The following GFRA1 variants were observed in gnomAD, a reference collection of about 807,000 sequenced individuals.
GFRA1 encodes GDNF family receptor alpha-1.
Under a neutral mutation model 51.6 loss-of-function variants are expected in GFRA1, and 16 were observed. The ratio of observed to expected loss-of-function variants is 0.31; its 90% CI spans 0.21 to 0.47. GFRA1 has a LOEUF of 0.47. GFRA1 is among the 20% of genes least tolerant of loss of function. The pLI, the probability that GFRA1 is intolerant of heterozygous loss-of-function variation, is 1.00. For synonymous variants in GFRA1, 270 were observed against 241.3 expected (o/e 1.12, Z -1.10); for missense variants, 530 against 594.3 (o/e 0.89, Z 1.13).
chr10:116,088,736 T>C (rs61864909), intron 9 of GFRA1, among the ~76,000 whole-genome samples: 57,946 of 151,444 alleles, frequency 0.38, 14,135 homozygotes, highest in Non-Finnish European at 0.56. Context: ...CTGGCTAACA[T>C]GGTGAAACCA....
Position 116,060,012 on chromosome 10 carries a change from A to G in GFRA1, c.*4386T>C, listed in dbSNP as rs1954726672. 1 of 152,224 alleles carries G rather than the reference A, an allele frequency of 6.6e-6. No homozygotes were observed. The highest frequency in any genetic ancestry group is 2.4e-5 in the African/African-American group (1 of 41,462). The allele number at this position is 152,224 out of a possible 1,614,324, so 9.4% of individuals were successfully genotyped here. The stretch of plus-strand genomic sequence containing the variant: ...AACAAGGTGGTGGAGGGAGGCCTGA[A>G]TAATAACGATGAAAGAGAGCTGAAT... On this transcript the variant is annotated 3_prime_UTR_variant, in exon 11 of 11. Transcript: ENST00000355422.
At chr10:116,156,352 A>C (rs1179881336) in intron 5 of GFRA1, among the ~76,000 whole-genome samples, 1 of 152,236 alleles carries the variant, frequency 6.6e-6, no homozygotes. Context: ...AGTTTTGTGA[A>C]GAATTTAAAC....
At chr10:116,114,718 TC>T (rs1176404104) in intron 6 of GFRA1, among the ~76,000 whole-genome samples, 4 of 152,156 alleles carry the variant, frequency 2.6e-5, no homozygotes, top group Admixed American at 2.6e-4. Context: ...ACTTCAAAGA[TC>T]TCTCTCTGTT....
chr10:116,274,293 T>C (rs1844140599), upstream of GFRA1, among the ~76,000 whole-genome samples: 1 of 152,064 alleles, frequency 6.6e-6, no homozygotes, highest in South Asian at 2.1e-4. Context: ...TTTGCTGATG[T>C]CCAAGTTCAT....
chr10:116,212,153 T>G (rs535954150), intron 4 of GFRA1, among the ~76,000 whole-genome samples: 2 of 152,172 alleles, frequency 1.3e-5, no homozygotes, highest in Admixed American at 1.3e-4. Flanking sequence ...GTTAAAAAAA[T>G]GAATGTATTT....
chr10:116,220,364 ACACATGT>A (rs1455687566), intron 4 of GFRA1, among the ~76,000 whole-genome samples: 2 of 152,238 alleles, frequency 1.3e-5, no homozygotes, highest in African/African-American at 4.8e-5. Flanking sequence ...ACATTTTATC[ACACATGT>A]ATTCCTCAGC....
chr10:116,159,586 G>T (rs572653628), intron 5 of GFRA1, among the ~76,000 whole-genome samples: 2 of 152,192 alleles, frequency 1.3e-5, no homozygotes, highest in African/African-American at 4.8e-5. Flanking sequence ...AAGGTTCAGT[G>T]TTTCCTGGGC....
chr10:116,241,105 G>A (rs1967327556), intron 4 of GFRA1, among the ~76,000 whole-genome samples: 1 of 151,306 alleles, frequency 6.6e-6, no homozygotes, highest in South Asian at 2.1e-4. Flanking sequence ...TTTTCACATA[G>A]TGGATAATTT....
At chr10:116,139,761 G>A (rs537484297) in intron 5 of GFRA1, among the ~76,000 whole-genome samples, 28 of 152,332 alleles carry the variant, frequency 1.8e-4, no homozygotes, top group African/African-American at 6.7e-4. Context: ...CCCTTCAGTG[G>A]GGAAGCGATA....
intron 5 of GFRA1, among the ~76,000 whole-genome samples, chr10:116,201,291 C>T (rs183853976): frequency 6.6e-5 from 10 of 152,210 alleles, no homozygotes; most frequent in Admixed American, 2.0e-4. Flanking sequence ...ATAGCCAATA[C>T]TATTCACTTG....
chr10:116,114,058 A>G (rs1003035115), intron 6 of GFRA1, among the ~76,000 whole-genome samples: 2 of 152,154 alleles, frequency 1.3e-5, no homozygotes, highest in African/African-American at 4.8e-5. Flanking sequence ...GGGGTGATTC[A>G]CAACATGGAA....
chr10:116,101,752 A>G (rs1458052465), intron 6 of GFRA1, among the ~76,000 whole-genome samples: 1 of 152,118 alleles, frequency 6.6e-6, no homozygotes, highest in Admixed American at 6.5e-5. Flanking sequence ...CAAATCCCAT[A>G]CTTGGACATA....
At chr10:116,174,145 CAAA>C (rs35365212) in intron 5 of GFRA1, among the ~76,000 whole-genome samples, 15 of 150,072 alleles carry the variant, frequency 1.0e-4, no homozygotes, top group East Asian at 5.9e-4. Context: ...TAGGCCTTCT[CAAA>C]AAAAAAAAAA....
At chr10:116,124,570 C>A (rs1281324649) in intron 6 of GFRA1, among the ~76,000 whole-genome samples, 1 of 152,162 alleles carries the variant, frequency 6.6e-6, no homozygotes, top group Non-Finnish European at 1.5e-5. Context: ...TATTCATGGA[C>A]TCCTTCAGAT....
intron 5 of GFRA1, among the ~76,000 whole-genome samples, chr10:116,135,466 C>G (rs1490852569): frequency 6.6e-6 from 1 of 152,082 alleles, no homozygotes; most frequent in Admixed American, 6.5e-5. Context: ...TTTGTCTTAC[C>G]ACACACTCAG....
intron 9 of GFRA1, among the ~76,000 whole-genome samples, chr10:116,065,943 C>CA (rs1955089606): frequency 6.6e-6 from 1 of 152,162 alleles, no homozygotes; most frequent in Non-Finnish European, 1.5e-5. Flanking sequence ...CATCTCAATT[C>CA]AGACTTACCC....
chr10:116,192,013 G>C (rs1002651211), intron 5 of GFRA1, among the ~76,000 whole-genome samples: 1 of 152,202 alleles, frequency 6.6e-6, no homozygotes, highest in Non-Finnish European at 1.5e-5. Flanking sequence ...GGGGACAAGA[G>C]TGAGACTTCA....
chr10:116,124,501 G>C (rs1957773181), intron 6 of GFRA1, among the ~76,000 whole-genome samples: 1 of 152,164 alleles, frequency 6.6e-6, no homozygotes, highest in South Asian at 2.1e-4. Context: ...AAAATGCTGA[G>C]ATTTCAGGCG....
At chr10:116,204,840 C>A (rs1463047798) in intron 5 of GFRA1, among the ~76,000 whole-genome samples, 1 of 152,106 alleles carries the variant, frequency 6.6e-6, no homozygotes, top group African/African-American at 2.4e-5. Context: ...AGATAGGCAA[C>A]CCTCAATGAG....
Sources: allele counts gnomAD v4.1 joint callset (sites outside exome capture counted in the v4.1 genomes callset), GRCh38; gene constraint gnomAD v4.1.1; transcripts MANE v1.5; gene names NCBI Gene and HGNC (gene_info 2026-07-23, HGNC 2026-07-21).